The following RAP1B variants were observed in gnomAD, a reference collection of about 807,000 sequenced individuals.
The protein encoded by RAP1B is ras-related protein Rap-1b.
In RAP1B, 1 loss-of-function variant was observed where a neutral mutation model predicts 27.5. The ratio of observed to expected loss-of-function variants is 0.04; its 90% CI spans 0.01 to 0.17. RAP1B has a LOEUF of 0.17. Among genes scored for constraint, RAP1B ranks in the 10% least tolerant of loss-of-function variants. RAP1B has a pLI of 1.00. For synonymous variants in RAP1B, 75 were observed against 73.1 expected, an observed-to-expected ratio of 1.03 and a Z score of -0.13; for missense variants, 84 against 214.8, an observed-to-expected ratio of 0.39 and a Z score of 3.81.
At chr12:68,630,488 A>G (rs1805614656) in intron 1 of RAP1B, among the ~76,000 whole-genome samples, 1 of 152,200 alleles carries the variant, frequency 6.6e-6, no homozygotes, top group African/African-American at 2.4e-5. Context: ...CCTCCCCTCT[A>G]GGGCAAGAAA....
At chr12:68,639,674 A>C (rs1343468394) in intron 1 of RAP1B, among the ~76,000 whole-genome samples, 1 of 152,214 alleles carries the variant, frequency 6.6e-6, no homozygotes, top group East Asian at 1.9e-4. Context: ...GGAACTCACC[A>C]AAGGGCATTT....
chr12:68,646,398 C>T (rs968134199), intron 1 of RAP1B, among the ~76,000 whole-genome samples: 6 of 151,984 alleles, frequency 3.9e-5, no homozygotes, highest in Non-Finnish European at 2.9e-5. Context: ...CGGGTTCACT[C>T]GATTCTCCTG....
chr12:68,616,723 C>G (rs1373110574), intron 1 of RAP1B, among the ~76,000 whole-genome samples: 1 of 151,564 alleles, frequency 6.6e-6, no homozygotes, highest in South Asian at 2.1e-4. Context: ...CATGAGCCAC[C>G]GCGCCCGGCC....
intron 1 of RAP1B, chr12:68,627,176 T>A (rs141141152): frequency 1.3e-4 from 203 of 1,554,728 alleles, no homozygotes; most frequent in African/African-American, 9.5e-4. Flanking sequence ...CTCGCATGCC[T>A]GTTTGGAACC....
intron 1 of RAP1B, among the ~76,000 whole-genome samples, chr12:68,637,930 TA>T (rs1872743292): frequency 6.6e-6 from 1 of 152,152 alleles, no homozygotes. Context: ...TCCTTTTTTT[TA>T]ATGAGTTAAT....
At chr12:68,642,481 T>C (rs1873087152) in intron 1 of RAP1B, 1 of 854,040 alleles carries the variant, frequency 1.2e-6, no homozygotes, top group South Asian at 1.5e-5. Flanking sequence ...GAATGTGTAA[T>C]ACAAGGGCCA....
intron 1 of RAP1B, among the ~76,000 whole-genome samples, chr12:68,615,604 A>G (rs1870929859): frequency 6.6e-6 from 1 of 151,886 alleles, no homozygotes; most frequent in Non-Finnish European, 1.5e-5. Context: ...AAAATTACTT[A>G]GATTGTGTAT....
At chr12:68,628,719 A>G (rs1288237982) in intron 1 of RAP1B, among the ~76,000 whole-genome samples, 1 of 152,224 alleles carries the variant, frequency 6.6e-6, no homozygotes, top group Non-Finnish European at 1.5e-5. Flanking sequence ...CTTGTTCAGT[A>G]GTTTCATAAG....
intron 1 of RAP1B, among the ~76,000 whole-genome samples, chr12:68,617,262 T>C (rs1871094041): frequency 1.3e-5 from 2 of 152,236 alleles, no homozygotes; most frequent in Admixed American, 1.3e-4. Context: ...TCCAGCTGTT[T>C]GTTACCTTGT....
At chr12:68,612,648 C>T (rs952347925) in intron 1 of RAP1B, among the ~76,000 whole-genome samples, 4 of 152,144 alleles carry the variant, frequency 2.6e-5, no homozygotes, top group Admixed American at 2.0e-4. Context: ...AAAGTGGGTA[C>T]CTTAGTCAAA....
At chr12:68,636,116 C>G (rs937397066) in intron 1 of RAP1B, among the ~76,000 whole-genome samples, 1 of 152,014 alleles carries the variant, frequency 6.6e-6, no homozygotes, top group South Asian at 2.1e-4. Context: ...AACTCCTGAC[C>G]TCAAGTGATC....
chr12:68,635,460 T>C (rs1393330020), intron 1 of RAP1B, among the ~76,000 whole-genome samples: 1 of 152,124 alleles, frequency 6.6e-6, no homozygotes, highest in Admixed American at 6.6e-5. Context: ...AACCAGTATT[T>C]AAGGCCTCTT....
intron 1 of RAP1B, among the ~76,000 whole-genome samples, chr12:68,616,368 T>A (rs1871009595): frequency 1.3e-5 from 2 of 150,660 alleles, no homozygotes; most frequent in African/African-American, 4.9e-5. Flanking sequence ...CACCACAGCC[T>A]CCGCCTCCAG....
intron 1 of RAP1B, among the ~76,000 whole-genome samples, chr12:68,625,522 G>C (rs1871695933): frequency 6.6e-6 from 1 of 152,152 alleles, no homozygotes; most frequent in Non-Finnish European, 1.5e-5. Flanking sequence ...GTTTACTGGG[G>C]AATTTTCCAT....
chr12:68,613,328 G>A (rs1487091395), intron 1 of RAP1B, among the ~76,000 whole-genome samples: 1 of 150,460 alleles, frequency 6.6e-6, no homozygotes, highest in Non-Finnish European at 1.5e-5. Context: ...GAGGCGGAGG[G>A]TGCAGTGAGC....
chr12:68,649,041 T>TA, intron 2 of RAP1B: 1 of 371,008 alleles, frequency 2.7e-6, no homozygotes, highest in East Asian at 4.5e-5. Flanking sequence ...AGCGTACAAA[T>TA]ACATGTCTTT....
In RAP1B at chr12:68,661,688, C is replaced by G. The variant is rs1251720715; in HGVS notation, c.*2439C>G. 6.6e-6 allele frequency: 1 copy of G among 151,900 alleles called. No homozygotes were observed. The highest frequency in any genetic ancestry group is 1.5e-5 in the Non-Finnish European group (1 of 67,996). The allele number at this position is 151,900 out of a possible 1,614,324, so 9.4% of individuals were successfully genotyped here. On this transcript the variant is annotated 3_prime_UTR_variant, in exon 8 of 8. Transcript: ENST00000250559. Reference sequence around the variant, plus strand: ...AACCAAAAATGTTTCCAGACATTGCCAGATGTTCCCCAGTTGGATTGTTGG... The same window carrying G: ...AACCAAAAATGTTTCCAGACATTGCGAGATGTTCCCCAGTTGGATTGTTGG...
intron 1 of RAP1B, among the ~76,000 whole-genome samples, chr12:68,613,670 A>G (rs555650249): frequency 6.6e-6 from 1 of 152,198 alleles, no homozygotes; most frequent in Non-Finnish European, 1.5e-5. Context: ...GACTTAATCC[A>G]TTTCATTCTT....
At chr12:68,649,067 A>C (rs1873627002) in intron 2 of RAP1B, 1 of 308,352 alleles carries the variant, frequency 3.2e-6, no homozygotes, top group Non-Finnish European at 5.9e-6. Flanking sequence ...TTCGCATTTC[A>C]GAGCCAGATA....
Sources: allele counts gnomAD v4.1 joint callset (sites outside exome capture counted in the v4.1 genomes callset), GRCh38; gene constraint gnomAD v4.1.1; transcripts MANE v1.5; gene names NCBI Gene and HGNC (gene_info 2026-07-23, HGNC 2026-07-21).